The following ATXN1L variants were observed in gnomAD, a reference collection of about 807,000 sequenced individuals.
The protein encoded by ATXN1L is ataxin 1 like.
Under a neutral mutation model 43.4 loss-of-function variants are expected in ATXN1L, and 8 were observed. The ratio of observed to expected loss-of-function variants is 0.18; its 90% CI spans 0.11 to 0.33. The LOEUF (loss-of-function observed/expected upper bound fraction) is 0.33, where lower values mean the gene tolerates loss of function less well. Among genes scored for constraint, ATXN1L ranks in the 10% least tolerant of loss-of-function variants. The probability of loss-of-function intolerance (pLI) is 1.00; values close to 1 mark genes in which losing one functional copy is unlikely to be tolerated. For missense variants in ATXN1L, 856 were observed against 885.4 expected, an observed-to-expected ratio of 0.97 and a Z score of 0.42; for synonymous variants, 379 against 360.6, an observed-to-expected ratio of 1.05 and a Z score of -0.58.
rs772246842 is a variant in ATXN1L, at chr16:71,850,073, T to C, written c.333T>C (p.Asn111=). 9 of 1,551,608 alleles carry C rather than the reference T, an allele frequency of 5.8e-6. No homozygotes were observed. The South Asian group carries it at 9.5e-5, about 16-fold the overall frequency. ...VNMSPLPPTF[N]VASSLIQHPG... is the part of the protein sequence containing the mutation. ...TGAGTCCCTTGCCCCCAACGTTTAA[T>C]GTAGCGTCTTCACTAATTCAACATC... Residue 111 remains asparagine (N), a synonymous_variant, in exon 3 of 3, where the codon AAT becomes AAC. Transcript: ENST00000427980.
rs2033493700 is a variant in ATXN1L, at chr16:71,850,826, C to A, written c.1086C>A (p.Pro362=). The A allele has an allele frequency of 1.3e-6, 2 of 1,551,706 alleles. No homozygotes were observed. Among genetic ancestry groups the A allele is most frequent in the Non-Finnish European group, 1.7e-6 (2 of 1,146,998 alleles). The stretch of plus-strand genomic sequence containing the variant: ...CTCAGAGGAAGGAGGAACCCAGCCC[C>A]CTCAACCTATCCCATCATACCCCCG... ...VAAQRKEEPS[P]LNLSHHTPDH... The change falls in exon 3 of 3, where the codon CCC becomes CCA. Residue 362 remains proline (P), a synonymous_variant. Coordinates refer to ENST00000427980, the MANE Select transcript of ATXN1L (RefSeq NM_001137675.4).
intron 1 of ATXN1L, among the ~76,000 whole-genome samples, chr16:71,846,870 G>A (rs2033449001): frequency 2.6e-5 from 4 of 152,162 alleles, no homozygotes; most frequent in South Asian, 4.2e-4. Flanking sequence ...TCGGTGACCT[G>A]GAGGCAGGTT....
At position 71,850,901 on chromosome 16, in the gene ATXN1L, A is replaced by G; in HGVS notation, c.1161A>G (p.Ala387=). 6.4e-7 allele frequency: 1 copy of G among 1,551,680 alleles called. No individual in the cohort carries two copies. The highest frequency in any genetic ancestry group is 1.7e-4 in the Middle Eastern group (1 of 5,992). ...RGSARNPAEL[A]EKSQARGFYP... ...CAGCCAGGAACCCTGCAGAGCTGGC[A>G]GAGAAAAGTCAGGCCCGTGGGTTCT... The change falls in exon 3 of 3, where the codon GCA becomes GCG. Residue 387 remains alanine (A), a synonymous_variant. Coordinates refer to ENST00000427980, the MANE Select transcript of ATXN1L (RefSeq NM_001137675.4).
Position 71,853,238 on chromosome 16 carries a change from G to A in ATXN1L, c.*1428G>A, listed in dbSNP as rs2033522313. 1 of 167,306 alleles carries A rather than the reference G, an allele frequency of 6.0e-6. No individual in the cohort carries two copies. The highest frequency in any genetic ancestry group is 6.5e-5 in the Admixed American group (1 of 15,282). The allele number at this position is 167,306 out of a possible 1,614,324, so 10.4% of individuals were successfully genotyped here. A position where few individuals can be genotyped will look rare whatever the true frequency, so the allele number is the denominator to read the frequency against. ...TCTGCAAAAAGTATTTTCAATCTTG[G>A]TTGCATTGGCACCCCCCCTACCCCC... is the stretch of plus-strand genomic sequence containing the variant. On this transcript the variant is annotated 3_prime_UTR_variant, in exon 3 of 3. Coordinates refer to ENST00000427980, the MANE Select transcript of ATXN1L (RefSeq NM_001137675.4).
rs957937811 is a variant in ATXN1L at position 71,850,951 on chromosome 16, T to A, written c.1211T>A (p.Val404Glu). The A allele has an allele frequency of 1.3e-6, 2 of 1,551,606 alleles. No individual in the cohort carries two copies. The highest frequency in any genetic ancestry group is 3.9e-5 in the Admixed American group (2 of 50,992). Residue 404 changes from valine to glutamate, a missense_variant, in exon 3 of 3, where the codon GTA becomes GAA. Val to Glu is a moderately radical substitution (Grantham distance 121). This residue lies in a region of ATXN1L where 490 missense variants were observed against 449.4 expected (regional missense o/e 1.09). Coordinates refer to ENST00000427980, the MANE Select transcript of ATXN1L (RefSeq NM_001137675.4). The stretch of plus-strand genomic sequence containing the variant: ...TACCCTCAGTCCCATCAGGAACCAG[T>A]AAAACATAGACCTTTACCCAAAGCA... ...GFYPQSHQEP[V>E]KHRPLPKAMV...
chr16:71,851,210 C>G lies in ATXN1L; in HGVS notation c.1470C>G (p.Thr490=). The part of the protein sequence containing the change: ...GELKRVEDLQ[T]QDFVRSAEVS... ...TGAAGCGGGTGGAGGACCTCCAGACCCAGGATTTTGTGCGCAGTGCCGAAG... is the reference window on the plus strand; with the variant it reads ...TGAAGCGGGTGGAGGACCTCCAGACGCAGGATTTTGTGCGCAGTGCCGAAG... Residue 490 remains threonine, a synonymous_variant, in exon 3 of 3, where the codon ACC becomes ACG. Transcript: ENST00000427980. This position sits in a 1 kb window ranked among gnomAD's most constrained non-coding sequence, Gnocchi z 4.9. The G allele has an allele frequency of 6.4e-7, 1 of 1,551,620 alleles. No individual in the cohort carries two copies.
At chr16:71,848,174 A>G in intron 2 of ATXN1L, 103 bp downstream of exon 2, 1 of 420,944 alleles carries the variant, frequency 2.4e-6, no homozygotes, top group South Asian at 1.7e-5. Context: ...TCAGATCCAA[A>G]GAACTGGAAC....
Position 71,851,630 on chromosome 16 carries a change from G to A in ATXN1L, c.1890G>A (p.Glu630=). 3 of 1,535,898 alleles carry A rather than the reference G, an allele frequency of 2.0e-6. No homozygotes were observed. Among genetic ancestry groups the A allele is most frequent in the Non-Finnish European group, 2.6e-6 (3 of 1,135,822 alleles). Residue 630 remains glutamate (E), a synonymous_variant, in exon 3 of 3, where the codon GAG becomes GAA. Coordinates refer to ENST00000427980, the MANE Select transcript of ATXN1L (RefSeq NM_001137675.4). The surrounding 1 kb of genome is among the most constrained non-coding windows in gnomAD (Gnocchi z 4.9). ...AGGGGAAGAGCCAGCCGGCAGGAGA[G>A]GGCTCCCGTGTGGTAGAGCCTTCCC... ...DSEGKSQPAG[E]GSRVVEPSQP...
Position 71,851,544 on chromosome 16 carries a change from G to A in ATXN1L, c.1804G>A (p.Gly602Ser). The change falls in exon 3 of 3, where the codon GGT becomes AGT. Residue 602 changes from glycine to serine, a missense_variant. Around this residue, in one of 7 missense-constraint regions of ATXN1L, gnomAD observed 185 missense variants for 176.8 expected, o/e 1.05. Transcript: ENST00000427980. The surrounding 1 kb of genome is among the most constrained non-coding windows in gnomAD (Gnocchi z 4.9). ...QASCAPPSQL[G>S]PPRERPERTV... Reference sequence around the variant, plus strand: ...CAGCTGTGCTCCCCCAAGCCAGCTGGGTCCCCCCCGAGAAAGGCCTGAGAG... The same window carrying A: ...CAGCTGTGCTCCCCCAAGCCAGCTGAGTCCCCCCCGAGAAAGGCCTGAGAG... 2 of 1,551,518 alleles carry A rather than the reference G, an allele frequency of 1.3e-6. No homozygotes were observed. The highest frequency in any genetic ancestry group is 1.4e-5 in the African/African-American group (1 of 73,094).
chr16:71,850,105 T>G lies in ATXN1L; in HGVS notation c.365T>G (p.Ile122Ser). The change falls in exon 3 of 3, where the codon ATC becomes AGC. Residue 122 changes from isoleucine (I) to serine (S), a missense_variant. Around this residue, in one of 7 missense-constraint regions of ATXN1L, gnomAD observed 490 missense variants for 449.4 expected, o/e 1.09. Coordinates refer to ENST00000427980, the MANE Select transcript of ATXN1L (RefSeq NM_001137675.4). ...TCTTCACTAATTCAACATCCAGGCA[T>G]CCACTATCCTCCACTCCACTATGCT... ...VASSLIQHPGIHYPPLHYAQL... is the reference protein window; with the variant it reads ...VASSLIQHPGSHYPPLHYAQL... 1 of 1,551,680 alleles carries G rather than the reference T, an allele frequency of 6.4e-7. No individual in the cohort carries two copies. Among genetic ancestry groups the G allele is most frequent in the African/African-American group, 1.4e-5 (1 of 73,136 alleles).
intron 1 of ATXN1L, among the ~76,000 whole-genome samples, chr16:71,846,722 C>T (rs1021768740): frequency 6.6e-6 from 1 of 152,164 alleles, no homozygotes; most frequent in Non-Finnish European, 1.5e-5. Context: ...CAGTGAGGTT[C>T]TCGAGAGGCG....
chr16:71,851,889 C>T lies in ATXN1L; in HGVS notation c.*79C>T, dbSNP rs1420553354. 2.7e-5 allele frequency: 36 copies of T among 1,340,522 alleles called. No homozygotes were observed. The South Asian group carries it at 3.0e-4, about 11-fold the overall frequency. 83.0% of individuals were successfully genotyped at this position (1,340,522 alleles called of 1,614,324 possible). ...CGTGAGCAGGCAGAGGATTTGCACA[C>T]GCCGAGCAGGGAATGGCTTTCTTGG... On this transcript the variant is annotated 3_prime_UTR_variant, in exon 3 of 3. Coordinates refer to ENST00000427980, the MANE Select transcript of ATXN1L (RefSeq NM_001137675.4). This position sits in a 1 kb window ranked among gnomAD's most constrained non-coding sequence, Gnocchi z 4.9.
chr16:71,850,727 G>C lies in ATXN1L; in HGVS notation c.987G>C (p.Gly329=). The C allele has an allele frequency of 6.4e-7, 1 of 1,551,682 alleles. No individual in the cohort carries two copies. The highest frequency in any genetic ancestry group is 2.4e-5 in the East Asian group (1 of 40,910). Residue 329 remains glycine (G), a synonymous_variant, in exon 3 of 3, where the codon GGG becomes GGC. Transcript: ENST00000427980. ...RVEVAAPAHR[G]TPDTDLEVQR... is the part of the protein sequence containing the mutation. ...AGGTAGCAGCACCAGCACACCGGGG[G>C]ACCCCGGACACTGACCTTGAGGTCC...
rs1412654760 is a variant in ATXN1L at position 71,850,167 on chromosome 16, C to T, written c.427C>T (p.Pro143Ser). 6.4e-7 allele frequency: 1 copy of T among 1,551,758 alleles called. No homozygotes were observed. The highest frequency in any genetic ancestry group is 8.7e-7 in the Non-Finnish European group (1 of 1,146,998). ...PSTSLQFIGSPYSLPYAVPPN... is the reference protein window; with the variant it reads ...PSTSLQFIGSSYSLPYAVPPN... The stretch of plus-strand genomic sequence containing the variant: ...CACCTCGCTGCAGTTCATTGGGTCT[C>T]CTTATAGCCTTCCCTATGCTGTGCC... Residue 143 changes from proline to serine, a missense_variant, in exon 3 of 3, where the codon CCT becomes TCT. By Grantham distance (74) the Pro-to-Ser change is moderately conservative (BLOSUM62 -1). This residue lies in a region of ATXN1L where 490 missense variants were observed against 449.4 expected (regional missense o/e 1.09). Coordinates refer to ENST00000427980, the MANE Select transcript of ATXN1L (RefSeq NM_001137675.4).
chr16:71,850,848 C>G lies in ATXN1L; in HGVS notation c.1108C>G (p.Pro370Ala). ...CCCCCTCAACCTATCCCATCATACC[C>G]CCGACCATCAGGGTGAGGGGCGAGG... ...PSPLNLSHHT[P>A]DHQGEGRGSA... The change falls in exon 3 of 3, where the codon CCC (proline) becomes GCC (alanine). Residue 370 changes from proline (P) to alanine (A), a missense_variant. By Grantham distance (27) the Pro-to-Ala change is conservative. Coordinates refer to ENST00000427980, the MANE Select transcript of ATXN1L (RefSeq NM_001137675.4). The G allele has an allele frequency of 6.4e-7, 1 of 1,551,726 alleles. No homozygotes were observed. The highest frequency in any genetic ancestry group is 8.7e-7 in the Non-Finnish European group (1 of 1,147,004).
intron 2 of ATXN1L, chr16:71,848,434 C>G (rs1331729081): frequency 6.3e-6 from 1 of 158,430 alleles, no homozygotes; most frequent in Non-Finnish European, 1.4e-5. Context: ...AAAGAAAGCA[C>G]AAAGAAAAAA....
chr16:71,849,246 A>G (rs2033474084), intron 2 of ATXN1L, among the ~76,000 whole-genome samples: 1 of 150,116 alleles, frequency 6.7e-6, no homozygotes, highest in Non-Finnish European at 1.5e-5. Context: ...AAAAAAAGCA[A>G]AAGAGCCAGC....
Position 71,857,029 on chromosome 16 carries a change from C to T in ATXN1L, c.*5219C>T, listed in dbSNP as rs1015977469. 1 of 167,084 alleles carries T rather than the reference C, an allele frequency of 6.0e-6. No homozygotes were observed. Among genetic ancestry groups the T allele is most frequent in the Non-Finnish European group, 1.5e-5 (1 of 68,120 alleles). The allele number at this position is 167,084 out of a possible 1,614,324, so 10.4% of individuals were successfully genotyped here. A position where few individuals can be genotyped will look rare whatever the true frequency, so the allele number is the denominator to read the frequency against. ...TCCCTCCACCCAATACCATTTCTTA[C>T]CCTCTAATCCTACCTGATCTTTAAC... is the stretch of plus-strand genomic sequence containing the variant. On this transcript the variant is annotated 3_prime_UTR_variant, in exon 3 of 3. Coordinates refer to ENST00000427980, the MANE Select transcript of ATXN1L (RefSeq NM_001137675.4).
chr16:71,851,094 G>T lies in ATXN1L; in HGVS notation c.1354G>T (p.Asp452Tyr), dbSNP rs370440155. 11 of 1,551,428 alleles carry T rather than the reference G, an allele frequency of 7.1e-6. No individual in the cohort carries two copies. In the East Asian group the frequency reaches 2.7e-4, roughly 38 times the overall value. ...LDVQARATFP[D>Y]KEPTPPPITS... ...CGTGCAGGCCAGAGCCACCTTCCCAGACAAGGAGCCAACGCCGCCCCCCAT... is the reference window on the plus strand; with the variant it reads ...CGTGCAGGCCAGAGCCACCTTCCCATACAAGGAGCCAACGCCGCCCCCCAT... The change falls in exon 3 of 3, where the codon GAC (aspartate) becomes TAC (tyrosine). Residue 452 changes from aspartate to tyrosine, a missense_variant. Asp to Tyr is a radical substitution (Grantham distance 160). This residue lies in a region of ATXN1L where 490 missense variants were observed against 449.4 expected (regional missense o/e 1.09). Transcript: ENST00000427980. This position sits in a 1 kb window ranked among gnomAD's most constrained non-coding sequence, Gnocchi z 4.9.
Sources: allele counts gnomAD v4.1 joint callset (sites outside exome capture counted in the v4.1 genomes callset), GRCh38; gene constraint gnomAD v4.1.1; regional missense constraint gnomAD v4.1.1; non-coding constraint Gnocchi (gnomAD v3.1); transcripts MANE v1.5; gene names NCBI Gene and HGNC (gene_info 2026-07-23, HGNC 2026-07-21).